The following TAF4 variants were observed in gnomAD, a reference collection of about 807,000 sequenced individuals.
TAF4 encodes transcription initiation factor TFIID subunit 4.
TAF4 carries 9 observed loss-of-function variants against 90.3 expected under a neutral mutation model. That is an observed-to-expected ratio of 0.10 (90% confidence interval 0.06 to 0.17). The LOEUF is 0.17. Among genes scored for constraint, TAF4 ranks in the 10% least tolerant of loss-of-function variants. The pLI is 1.00. For missense variants in TAF4, 1,351 were observed against 1,370.7 expected, an observed-to-expected ratio of 0.99 and a Z score of 0.23; for synonymous variants, 818 against 638.9, an observed-to-expected ratio of 1.28 and a Z score of -4.23.
Position 61,995,825 on chromosome 20 carries a change from T to A in TAF4, c.3090+1725A>T, listed in dbSNP as rs566060576. Among the ~76,000 whole-genome samples, 117 of 13,388 alleles carry A rather than the reference T, an allele frequency of 8.7e-3. 40 individuals are homozygous for A. The highest frequency in any genetic ancestry group is 0.01 in the Non-Finnish European group (79 of 7,712). The allele number at this position is 13,388 out of a possible 152,430, so 8.8% of individuals were successfully genotyped here. ...TTGCAGTGAGCCGAGATTGCGCCAC[T>A]GCAGTCCGCAGTCCGGCCTGGGCGA... On this transcript the variant is annotated intron_variant, in intron 14 of 14. Coordinates refer to ENST00000252996, the MANE Select transcript of TAF4 (RefSeq NM_003185.4).
At position 62,023,760 on chromosome 20, in the gene TAF4, AAAAAAAAAAAG is replaced by A. The variant is rs1317046627; in HGVS notation, c.1361-9064_1361-9054del. 1.7e-3 allele frequency among the ~76,000 whole-genome samples: 255 copies of A among 149,048 alleles called. 1 individual carries two copies. Among genetic ancestry groups the A allele is most frequent in the African/African-American group, 5.5e-3 (224 of 40,876 alleles). On this transcript the variant is annotated intron_variant, in intron 1 of 14. Transcript: ENST00000252996. Reference sequence around the variant, plus strand: ...AAGACTCCATCTCAAAAAAAAAAAAAAAAAAAAAAAGAAAGAAAGAAAGAAAAAGAAAGCTC... The same window carrying A: ...AAGACTCCATCTCAAAAAAAAAAAAAAAAGAAAGAAAGAAAAAGAAAGCTC...
At chr20:62,021,088 G>A (rs761006196) in intron 1 of TAF4, among the ~76,000 whole-genome samples, 1 of 152,110 alleles carries the variant, frequency 6.6e-6, no homozygotes, top group Non-Finnish European at 1.5e-5. Flanking sequence ...CCACAGAAAC[G>A]GGAAGAGATG....
intron 9 of TAF4, among the ~76,000 whole-genome samples, chr20:62,002,856 G>C (rs1221808218): frequency 1.3e-5 from 2 of 152,158 alleles, no homozygotes; most frequent in Non-Finnish European, 2.9e-5. Context: ...TTCTATACTA[G>C]GAATGCAATG....
intron 9 of TAF4, 58 bp downstream of exon 9, chr20:62,003,102 T>A (rs542383046): frequency 6.8e-7 from 1 of 1,479,340 alleles, no homozygotes; most frequent in Non-Finnish European, 9.4e-7. Flanking sequence ...CAGCACGGAC[T>A]CTGGACTCTT....
At chr20:62,045,564 G>A (rs2055988594) in intron 1 of TAF4, among the ~76,000 whole-genome samples, 2 of 152,192 alleles carry the variant, frequency 1.3e-5, no homozygotes, top group South Asian at 2.1e-4. Context: ...ACTAGCATGC[G>A]TTTCTTTTCC....
In TAF4 at chr20:62,065,595, G is replaced by A. The variant is rs1464851726; in HGVS notation, c.216C>T (p.Gly72=). ...VVSGSPAGAA[G]AGPAAPAEGA... ...CCTCGGCGGGGGCGGCCGGCCCTGCGCCCGCGGCTCCGGCCGGGCTGCCGC... is the reference window on the plus strand; with the variant it reads ...CCTCGGCGGGGGCGGCCGGCCCTGCACCCGCGGCTCCGGCCGGGCTGCCGC... Residue 72 remains glycine (G), a synonymous_variant, in exon 1 of 15, where the codon GGC becomes GGT. Transcript: ENST00000252996. The A allele has an allele frequency of 1.2e-5, 12 of 986,194 alleles. No homozygotes were observed. Among genetic ancestry groups the A allele is most frequent in the African/African-American group, 3.6e-5 (2 of 56,082 alleles). 61.1% of individuals were successfully genotyped at this position (986,194 alleles called of 1,614,324 possible).
chr20:62,007,433 C>T, intron 6 of TAF4, 114 bp downstream of exon 6: 2 of 986,076 alleles, frequency 2.0e-6, no homozygotes, highest in Non-Finnish European at 3.1e-6. Context: ...GTAGGCAGCA[C>T]AAGCGCTGTG....
chr20:62,016,807 A>C (rs2055814575), intron 1 of TAF4, among the ~76,000 whole-genome samples: 1 of 152,104 alleles, frequency 6.6e-6, no homozygotes, highest in African/African-American at 2.4e-5. Flanking sequence ...CACTTCATTC[A>C]CTGCATTCGG....
intron 2 of TAF4, 32 bp from the exon 3 acceptor site, chr20:62,012,966 C>T (rs754247591): frequency 6.2e-6 from 10 of 1,609,720 alleles, no homozygotes; most frequent in African/African-American, 1.3e-5. Context: ...CTAAAACGAG[C>T]GCAAGTAAAA....
chr20:61,995,205 GA>G (rs1210490463), intron 14 of TAF4, among the ~76,000 whole-genome samples: 1 of 152,194 alleles, frequency 6.6e-6, no homozygotes, highest in African/African-American at 2.4e-5. Context: ...CAAGGCCGAG[GA>G]AAACAGCAGT....
rs545144679 is a variant in TAF4 at position 62,050,445 on chromosome 20, C to T, written c.1360+14006G>A. 2.0e-5 allele frequency among the ~76,000 whole-genome samples: 3 copies of T among 152,280 alleles called. No homozygotes were observed. In the East Asian group the frequency reaches 5.8e-4, roughly 29 times the overall value. On this transcript the variant is annotated intron_variant, in intron 1 of 14. Coordinates refer to ENST00000252996, the MANE Select transcript of TAF4 (RefSeq NM_003185.4). ...CAAAACGCCACAATGCCTGCTTGTG[C>T]TTGTACATGGAGATTCCAGACAGGT... is the stretch of plus-strand genomic sequence containing the variant.
chr20:61,989,493 G>A (rs2055617158), intron 14 of TAF4, among the ~76,000 whole-genome samples: 2 of 151,690 alleles, frequency 1.3e-5, no homozygotes, highest in African/African-American at 4.8e-5. Context: ...ACTGCAGTGA[G>A]TGAGTGAATG....
chr20:61,986,421 C>T (rs71323566), intron 14 of TAF4, among the ~76,000 whole-genome samples: 459 of 39,312 alleles, frequency 0.012, 4 homozygotes, highest in Non-Finnish European at 0.016. Context: ...CCATCCCCAA[C>T]CAAAGGAAAC....
chr20:62,052,841 C>G (rs1463454631), intron 1 of TAF4, among the ~76,000 whole-genome samples: 3 of 150,120 alleles, frequency 2.0e-5, no homozygotes, highest in Non-Finnish European at 3.0e-5. Flanking sequence ...CGCCATCCCC[C>G]ATATCCCAGG....
chr20:62,013,898 C>T (rs143274357), intron 2 of TAF4, among the ~76,000 whole-genome samples: 22 of 139,282 alleles, frequency 1.6e-4, no homozygotes, highest in Admixed American at 2.9e-4. Context: ...GCCCTGAAGG[C>T]TGACGCGGGT....
Position 62,009,147 on chromosome 20 carries a change from T to G in TAF4, c.1789A>C (p.Lys597Gln). 1 of 1,612,398 alleles carries G rather than the reference T, an allele frequency of 6.2e-7. No homozygotes were observed. The highest frequency in any genetic ancestry group is 1.3e-5 in the African/African-American group (1 of 75,000). ...TTTATTAACGTAGATAGGAAATTTT[T>G]ACATTTCTTCACGTTTTCCATAGTT... ...TETMENVKKC[K>Q]NFLSTLIKLA... The change falls in exon 5 of 15, where the codon AAA becomes CAA. Residue 597 changes from lysine (K) to glutamine (Q), a missense_variant. Physicochemically the swap from Lys to Gln is moderately conservative, Grantham distance 53 (BLOSUM62 1). This residue lies in a region of TAF4 where 44 missense variants were observed against 97.4 expected (regional missense o/e 0.45). Coordinates refer to ENST00000252996, the MANE Select transcript of TAF4 (RefSeq NM_003185.4).
intron 4 of TAF4, among the ~76,000 whole-genome samples, chr20:62,009,751 G>A (rs147033048): frequency 4.5e-4 from 68 of 152,340 alleles, no homozygotes; most frequent in Non-Finnish European, 8.2e-4. Context: ...TGTACAAACG[G>A]GTGGCGCTGC....
At chr20:62,020,002 GC>G (rs2055833728) in intron 1 of TAF4, among the ~76,000 whole-genome samples, 1 of 152,100 alleles carries the variant, frequency 6.6e-6, no homozygotes, top group South Asian at 2.1e-4. Context: ...CTGAGGCCCA[GC>G]CCCGGCTACC....
Position 62,065,305 on chromosome 20 carries a change from C to T in TAF4, c.506G>A (p.Arg169His). ...KPAGPAALAA[R>H]AGPGPGPGPG... ...GCCGGGCCCGGGGCCGGGGCCGGCG[C>T]GGGCGGCCAGCGCGGCGGGGCCGGC... is the stretch of plus-strand genomic sequence containing the variant. The change falls in exon 1 of 15, where the codon CGC becomes CAC. Residue 169 changes from arginine (R) to histidine (H), a missense_variant. Physicochemically the swap from Arg to His is conservative, Grantham distance 29. This residue lies in a region of TAF4 where 782 missense variants were observed against 536.6 expected (regional missense o/e 1.46). Coordinates refer to ENST00000252996, the MANE Select transcript of TAF4 (RefSeq NM_003185.4). 1.1e-6 allele frequency: 1 copy of T among 896,698 alleles called. No homozygotes were observed. Among genetic ancestry groups the T allele is most frequent in the South Asian group, 5.2e-5 (1 of 19,056 alleles). 55.5% of individuals were successfully genotyped at this position (896,698 alleles called of 1,614,324 possible).
Sources: gnomAD v4.1 joint callset for allele counts (sites outside exome capture counted in the v4.1 genomes callset) on GRCh38, gnomAD v4.1.1 for gene constraint, gnomAD v4.1.1 regional missense constraint, MANE v1.5 for transcripts, NCBI Gene and HGNC (gene_info 2026-07-23, HGNC 2026-07-21) for gene names.